The following TNKS variants were observed in gnomAD, a reference collection of about 807,000 sequenced individuals.
TNKS encodes the protein tankyrase.
A neutral mutation model predicts 135.8 loss-of-function variants in TNKS; 72 were observed. The ratio of observed to expected loss-of-function variants is 0.53; its 90% confidence interval spans 0.44 to 0.64. TNKS has a LOEUF of 0.64. TNKS is among the 30% of genes least tolerant of loss of function. TNKS has a pLI of 0.00. For synonymous variants in TNKS, 849 were observed against 649.3 expected (o/e 1.31, Z -4.68); for missense variants, 1,769 against 1,674.0 (o/e 1.06, Z -0.99).
intron 2 of TNKS, among the ~76,000 whole-genome samples, chr8:9,600,661 AC>A (rs1798983598): frequency 6.6e-6 from 1 of 151,970 alleles, no homozygotes; most frequent in African/African-American, 2.4e-5. Flanking sequence ...TTTCCCACTG[AC>A]GTACTTGGAA....
intron 11 of TNKS, among the ~76,000 whole-genome samples, chr8:9,712,914 T>G (rs912212482): frequency 1.3e-5 from 2 of 152,176 alleles, no homozygotes; most frequent in African/African-American, 4.8e-5. Context: ...ATGAAATCTT[T>G]TTAAATTTTT....
Position 9,575,704 on chromosome 8 carries a change from A to G in TNKS, c.674-4455A>G, listed in dbSNP as rs375182389. Among the ~76,000 whole-genome samples the G allele has an allele frequency of 1.1e-4, 16 of 152,314 alleles. No homozygotes were observed. In the East Asian group the frequency reaches 1.7e-3, roughly 17 times the overall value. On this transcript the variant is annotated intron_variant, in intron 1 of 26. Transcript: ENST00000310430. Reference sequence around the variant, plus strand: ...CTGCAGAATCATAAGAAAAAGACAAATAGCCCAAAAGAAAATGGCCAAGAC... The same window carrying G: ...CTGCAGAATCATAAGAAAAAGACAAGTAGCCCAAAAGAAAATGGCCAAGAC...
chr8:9,717,020 G>A (rs966714642), intron 11 of TNKS, among the ~76,000 whole-genome samples: 4 of 141,094 alleles, frequency 2.8e-5, no homozygotes, highest in African/African-American at 7.8e-5. Flanking sequence ...CTTAAGGCAC[G>A]TGAGCAAGAT....
intron 5 of TNKS, among the ~76,000 whole-genome samples, chr8:9,685,964 A>T (rs2128799525): frequency 6.6e-6 from 1 of 152,186 alleles, no homozygotes; most frequent in Middle Eastern, 3.4e-3. Context: ...CTTTTTTCCA[A>T]ATACTGTGTT....
rs946142488 is a variant in TNKS, at chr8:9,764,571, T to C, written c.3373-145T>C. 1.3e-5 allele frequency: 6 copies of C among 478,568 alleles called. No homozygotes were observed. The Admixed American group carries it at 2.1e-4, about 17-fold the overall frequency. The allele number at this position is 478,568 out of a possible 1,614,324, so 29.6% of individuals were successfully genotyped here. A position where few individuals can be genotyped will look rare whatever the true frequency, so the allele number is the denominator to read the frequency against. ...TTAATATTTATGTTTGAAATTATTT[T>C]CTCACCAAAAATACTTATCCACTAA... On this transcript the variant is annotated intron_variant, in intron 22 of 26. Transcript: ENST00000310430.
chr8:9,703,091 C>T (rs977852062), intron 5 of TNKS, among the ~76,000 whole-genome samples: 1 of 152,102 alleles, frequency 6.6e-6, no homozygotes, highest in South Asian at 2.1e-4. Flanking sequence ...TTCCCTTATC[C>T]TCGGGAGATA....
At position 9,558,543 on chromosome 8, in the gene TNKS, G is replaced by A. The variant is rs1467244676; in HGVS notation, c.673+1931G>A. 3 of 152,026 alleles carry A rather than the reference G, an allele frequency of 2.0e-5. 1 individual carries two copies. Among genetic ancestry groups the A allele is most frequent in the South Asian group, 4.1e-4 (2 of 4,832 alleles). The allele number at this position is 152,026 out of a possible 1,614,324, so 9.4% of individuals were successfully genotyped here. On this transcript the variant is annotated intron_variant, in intron 1 of 26. Coordinates refer to ENST00000310430, the MANE Select transcript of TNKS (RefSeq NM_003747.3). Reference sequence around the variant, plus strand: ...CATTTCTCACCATCCCACTTTATGCGTAATCACCAATAAATGATAGTTATA... The same window carrying A: ...CATTTCTCACCATCCCACTTTATGCATAATCACCAATAAATGATAGTTATA...
chr8:9,689,481 A>G (rs1156581096), intron 5 of TNKS, among the ~76,000 whole-genome samples: 1 of 150,862 alleles, frequency 6.6e-6, no homozygotes, highest in Non-Finnish European at 1.5e-5. Context: ...AAAATGTTTT[A>G]TATTTTGATT....
At chr8:9,657,244 G>T (rs1212502389) in intron 3 of TNKS, among the ~76,000 whole-genome samples, 2 of 119,844 alleles carry the variant, frequency 1.7e-5, no homozygotes, top group Non-Finnish European at 3.7e-5. Context: ...CTGGCCGGGC[G>T]GGGGGCCGAC....
intron 5 of TNKS, among the ~76,000 whole-genome samples, chr8:9,697,105 G>A (rs538075762): frequency 6.6e-5 from 10 of 152,150 alleles, no homozygotes; most frequent in African/African-American, 2.2e-4. Context: ...AAACAGACAC[G>A]TAGACTGATG....
chr8:9,733,255 T>G (rs1376628849), intron 14 of TNKS, 24 bp from the exon 15 acceptor site: 1 of 1,537,106 alleles, frequency 6.5e-7, no homozygotes, highest in Non-Finnish European at 8.7e-7. Flanking sequence ...TTTTATGACT[T>G]TAAAATAACT....
chr8:9,657,782 A>G (rs1202476233), intron 3 of TNKS, among the ~76,000 whole-genome samples: 4 of 127,476 alleles, frequency 3.1e-5, no homozygotes, highest in African/African-American at 9.1e-5. Flanking sequence ...CAGGGGGCTG[A>G]CCCCCCCACC....
At chr8:9,573,570 T>C (rs1052898517) in intron 1 of TNKS, among the ~76,000 whole-genome samples, 1 of 152,196 alleles carries the variant, frequency 6.6e-6, no homozygotes, top group African/African-American at 2.4e-5. Flanking sequence ...ATTTAACACA[T>C]AGATGTATAT....
At position 9,615,596 on chromosome 8, in the gene TNKS, G is replaced by A. The variant is rs201384024; in HGVS notation, c.913G>A (p.Gly305Arg). ...TCCCTGCACAGTGCTGCTGCAGCAC[G>A]GAGCTGACCCAAACATTCGGAACAC... Reference protein sequence around the residue: ...IDVCIVLLQHGADPNIRNTDG... With the variant: ...IDVCIVLLQHRADPNIRNTDG... The change falls in exon 3 of 27, where the codon GGA becomes AGA. Residue 305 changes from glycine to arginine, a missense_variant. By Grantham distance (125) the Gly-to-Arg change is moderately radical. Around this residue, in one of 5 missense-constraint regions of TNKS, gnomAD observed 523 missense variants for 541.0 expected, o/e 0.97. Transcript: ENST00000310430. The A allele has an allele frequency of 7.3e-5, 118 of 1,613,188 alleles. No homozygotes were observed. The highest frequency in any genetic ancestry group is 9.2e-5 in the Non-Finnish European group (109 of 1,179,698).
chr8:9,637,999 C>T (rs1800576671), intron 3 of TNKS, among the ~76,000 whole-genome samples: 2 of 152,122 alleles, frequency 1.3e-5, no homozygotes, highest in South Asian at 4.1e-4. Context: ...GATGGGATCT[C>T]GCTTTGTTGC....
At position 9,766,330 on chromosome 8, in the gene TNKS, T is replaced by A. The variant is rs766849526; in HGVS notation, c.3645T>A (p.Ala1215=). The change falls in exon 25 of 27, where the codon GCT becomes GCA. Residue 1215 remains alanine, a synonymous_variant. Coordinates refer to ENST00000310430, the MANE Select transcript of TNKS (RefSeq NM_003747.3). ...TGTTTGGGGCCGGGATTTATTTTGC[T>A]GAAAACTCCTCAAAAAGCAACCAAT... ...GGMFGAGIYF[A]ENSSKSNQYV... is the part of the protein sequence containing the mutation. 1.9e-6 allele frequency: 3 copies of A among 1,613,832 alleles called. No individual in the cohort carries two copies. In the Admixed American group the frequency reaches 5.0e-5, roughly 27 times the overall value.
At chr8:9,577,649 C>A (rs904974987) in intron 1 of TNKS, among the ~76,000 whole-genome samples, 3 of 152,202 alleles carry the variant, frequency 2.0e-5, no homozygotes, top group African/African-American at 7.2e-5. Flanking sequence ...GATCCACTCA[C>A]CTACCACCAG....
intron 2 of TNKS, among the ~76,000 whole-genome samples, chr8:9,600,039 T>C (rs879508075): frequency 2.6e-5 from 4 of 152,228 alleles, no homozygotes; most frequent in African/African-American, 9.6e-5. Flanking sequence ...CTAAAAATTA[T>C]GTGCATAGGC....
At chr8:9,582,131 C>G (rs1239397607) in intron 2 of TNKS, among the ~76,000 whole-genome samples, 1 of 152,100 alleles carries the variant, frequency 6.6e-6, no homozygotes, top group Non-Finnish European at 1.5e-5. Flanking sequence ...GTTGTAAACC[C>G]CGGTATACTT....
Sources: allele counts gnomAD v4.1 joint callset (sites outside exome capture counted in the v4.1 genomes callset), GRCh38; gene constraint gnomAD v4.1.1; regional missense constraint gnomAD v4.1.1; transcripts MANE v1.5; gene names NCBI Gene and HGNC (gene_info 2026-07-23, HGNC 2026-07-21).